Variants in FGF17 observed in about 807,000 individuals in gnomAD.
The protein encoded by FGF17 is fibroblast growth factor 17.
Under a neutral mutation model 23.5 loss-of-function variants are expected in FGF17, and 5 were observed. The ratio of observed to expected loss-of-function variants is 0.21; its 90% CI spans 0.11 to 0.45. The LOEUF is 0.45. Ranked by LOEUF, FGF17 falls within the 20% of genes least tolerant of loss-of-function variation. FGF17 has a pLI of 0.99. For missense variants in FGF17, 221 were observed against 306.9 expected (o/e 0.72, Z 2.09); for synonymous variants, 136 against 123.0 (o/e 1.11, Z -0.70).
chr8:22,048,254 G>A lies in FGF17; in HGVS notation c.*5G>A. On this transcript the variant is annotated 3_prime_UTR_variant, in exon 5 of 5. Transcript: ENST00000359441. This position sits in a 1 kb window ranked among gnomAD's most constrained non-coding sequence, Gnocchi z 6.9. ...CGGCCCCAGCCCCTCACGTAGTCTG[G>A]GAGGCAGGGGGCAGCAGCCCCTGGG... 2 of 1,591,868 alleles carry A rather than the reference G, an allele frequency of 1.3e-6. No individual in the cohort carries two copies. The highest frequency in any genetic ancestry group is 2.3e-5 in the East Asian group (1 of 44,110).
At chr8:22,047,558 C>A (rs184571028) in intron 4 of FGF17, among the ~76,000 whole-genome samples, 1 of 152,370 alleles carries the variant, frequency 6.6e-6, no homozygotes, top group African/African-American at 2.4e-5. Context: ...GGTGGCTGCA[C>A]TGGCACCCTT....
At chr8:22,041,079 G>A (rs1288415166), upstream of FGF17, among the ~76,000 whole-genome samples, 1 of 152,184 alleles carries the variant, frequency 6.6e-6, no homozygotes, top group Non-Finnish European at 1.5e-5. Context: ...AAGGAATGAG[G>A]AAGTTGGAAC....
intron 2 of FGF17, chr8:22,045,487 GGAA>G (rs1563364368): frequency 2.0e-6 from 2 of 989,876 alleles, no homozygotes; most frequent in Non-Finnish European, 2.4e-6. Flanking sequence ...GGCAAGGCCG[GGAA>G]GAAGATGGGT....
chr8:22,043,478 G>A (rs1245468686), intron 2 of FGF17, among the ~76,000 whole-genome samples: 3 of 152,344 alleles, frequency 2.0e-5, no homozygotes, highest in Middle Eastern at 3.4e-3. Context: ...AGCCTGGAGC[G>A]GTTGGAAGCA....
Position 22,046,206 on chromosome 8 carries a change from C to T in FGF17, c.165C>T (p.Tyr55=), listed in dbSNP as rs536515156. ...DQLSRRQIRE[Y]QLYSRTSGKH... ...TGAGCAGGCGGCAGATCCGCGAGTACCAACTCTACAGCAGGACCAGTGGCA... is the reference window on the plus strand; with the variant it reads ...TGAGCAGGCGGCAGATCCGCGAGTATCAACTCTACAGCAGGACCAGTGGCA... Residue 55 remains tyrosine, a synonymous_variant, in exon 3 of 5, where the codon TAC becomes TAT. Transcript: ENST00000359441. The T allele has an allele frequency of 5.0e-6, 8 of 1,614,084 alleles. No individual in the cohort carries two copies. The African/African-American group carries it at 9.3e-5, about 19-fold the overall frequency.
At position 22,046,508 on chromosome 8, in the gene FGF17, C is replaced by A; in HGVS notation, c.251-19C>A. On this transcript the variant is annotated intron_variant, in intron 3 of 4. Coordinates refer to ENST00000359441, the MANE Select transcript of FGF17 (RefSeq NM_003867.4). ...GCAGCCCCGATGGACGGAGGTCTTT[C>A]TCCCCTCCCCCACCACAGCCAAGCT... The A allele has an allele frequency of 1.9e-6, 3 of 1,594,440 alleles. No individual in the cohort carries two copies. Among genetic ancestry groups the A allele is most frequent in the African/African-American group, 1.3e-5 (1 of 74,504 alleles).
rs1310979236 is a variant in FGF17 at position 22,048,523 on chromosome 8, G to A, written c.*274G>A. On this transcript the variant is annotated 3_prime_UTR_variant, in exon 5 of 5. Coordinates refer to ENST00000359441, the MANE Select transcript of FGF17 (RefSeq NM_003867.4). This position sits in a 1 kb window ranked among gnomAD's most constrained non-coding sequence, Gnocchi z 6.9. ...ACCAGCCTCTGCCGGCCTCCCAGCC[G>A]GGCTCCTGAAGCCCGCTGAAAGGTC... 4.1e-6 allele frequency: 2 copies of A among 492,154 alleles called. No individual in the cohort carries two copies. The highest frequency in any genetic ancestry group is 7.2e-6 in the Non-Finnish European group (2 of 277,226). The allele number at this position is 492,154 out of a possible 1,614,324, so 30.5% of individuals were successfully genotyped here.
At chr8:22,047,788 A>G (rs1800965475) in intron 4 of FGF17, among the ~76,000 whole-genome samples, 168 bp from the exon 5 acceptor site, 1 of 152,244 alleles carries the variant, frequency 6.6e-6, no homozygotes, top group Admixed American at 6.5e-5. Flanking sequence ...CTTGTTGGCC[A>G]CTGTTGCCTC....
At chr8:22,042,696 A>C, upstream of FGF17, 6 of 596,186 alleles carry the variant, frequency 1.0e-5, no homozygotes, top group Non-Finnish European at 8.9e-6. Flanking sequence ...TTGCAGCCTC[A>C]CTGGCCAGGA....
chr8:22,048,436 C>T lies in FGF17; in HGVS notation c.*187C>T. The T allele has an allele frequency of 3.3e-6, 2 of 610,432 alleles. No individual in the cohort carries two copies. Among genetic ancestry groups the T allele is most frequent in the Non-Finnish European group, 5.7e-6 (2 of 348,470 alleles). The allele number at this position is 610,432 out of a possible 1,614,324, so 37.8% of individuals were successfully genotyped here. On this transcript the variant is annotated 3_prime_UTR_variant, in exon 5 of 5. Coordinates refer to ENST00000359441, the MANE Select transcript of FGF17 (RefSeq NM_003867.4). The surrounding 1 kb of genome is among the most constrained non-coding windows in gnomAD (Gnocchi z 6.9). The stretch of plus-strand genomic sequence containing the variant: ...TGCCCCAGGGGCGGCTGGCACAGTG[C>T]CCCCTTCCCGGACGGGTGGCAGGCC...
At chr8:22,042,667 GC>G (rs1035768834), upstream of FGF17, 29 of 598,212 alleles carry the variant, frequency 4.8e-5, no homozygotes, top group Non-Finnish European at 8.6e-5. Flanking sequence ...CAGCGCGCAC[GC>G]CCCCACCCGC....
chr8:22,043,094 T>A (rs770068330), intron 1 of FGF17, 51 bp from the exon 2 acceptor site: 5 of 1,607,908 alleles, frequency 3.1e-6, no homozygotes, highest in Middle Eastern at 1.7e-4. Flanking sequence ...GGGTGCACCC[T>A]AGGCTTGCAG....
At chr8:22,043,249 G>A in intron 2 of FGF17, 68 bp downstream of exon 2, 2 of 1,491,096 alleles carry the variant, frequency 1.3e-6, no homozygotes, top group South Asian at 1.2e-5. Context: ...GGGTGCAAGG[G>A]ACCGGCTCCT....
upstream of FGF17, among the ~76,000 whole-genome samples, chr8:22,041,996 G>A (rs1473620147): frequency 1.3e-5 from 2 of 152,224 alleles, no homozygotes; most frequent in Non-Finnish European, 2.9e-5. Context: ...AGAATGGTGA[G>A]TGGAGCTGGG....
At chr8:22,040,233 T>G (rs1800718305), upstream of FGF17, among the ~76,000 whole-genome samples, 1 of 152,186 alleles carries the variant, frequency 6.6e-6, no homozygotes, top group Admixed American at 6.5e-5. Flanking sequence ...ATGGCGGTGG[T>G]TTTGACAGTA....
chr8:22,047,902 C>T (rs1383058031), intron 4 of FGF17, 54 bp from the exon 5 acceptor site: 2 of 1,554,976 alleles, frequency 1.3e-6, no homozygotes, highest in East Asian at 4.5e-5. Flanking sequence ...AAGGGCGACA[C>T]CCCAGACCAG....
upstream of FGF17, among the ~76,000 whole-genome samples, chr8:22,040,758 C>G (rs1041656891): frequency 2.0e-5 from 3 of 152,250 alleles, no homozygotes; most frequent in African/African-American, 4.8e-5. Flanking sequence ...GACACCTCCA[C>G]CAACCCAAGG....
chr8:22,042,993 T>G (rs778375385), intron 1 of FGF17, 30 bp downstream of exon 1: 7 of 1,611,500 alleles, frequency 4.3e-6, no homozygotes, highest in Non-Finnish European at 5.9e-6. Flanking sequence ...CACTGGAGTT[T>G]CGTTGCCATT....
In FGF17 at chr8:22,044,169, C is replaced by T. The variant is rs540267925; in HGVS notation, c.72+988C>T. 5.3e-5 allele frequency among the ~76,000 whole-genome samples: 8 copies of T among 152,110 alleles called. No individual in the cohort carries two copies. The South Asian group carries it at 1.5e-3, about 28-fold the overall frequency. ...CCAACCTGTTCTGGAGGGGAACTAG[C>T]ACAATGGTGCGGCTGGCCGGGCGTT... On this transcript the variant is annotated intron_variant, in intron 2 of 4. Coordinates refer to ENST00000359441, the MANE Select transcript of FGF17 (RefSeq NM_003867.4).
Sources: gnomAD v4.1 joint callset for allele counts (sites outside exome capture counted in the v4.1 genomes callset) on GRCh38, gnomAD v4.1.1 for gene constraint, Gnocchi (gnomAD v3.1) non-coding constraint, MANE v1.5 for transcripts, NCBI Gene and HGNC (gene_info 2026-07-23, HGNC 2026-07-21) for gene names.